METTL8: variants seen among roughly 807,000 people sequenced by gnomAD.
The protein encoded by METTL8 is methyltransferase 8, tRNA N3-cytidine.
METTL8 carries 32 observed loss-of-function variants against 48.7 expected under a neutral mutation model. That is an observed-to-expected ratio of 0.66 (90% CI 0.50 to 0.88). METTL8 has a LOEUF of 0.88. Among genes scored for constraint, METTL8 ranks in the 40% least tolerant of loss-of-function variants. The pLI is 0.00. For synonymous variants in METTL8, 136 were observed against 157.1 expected (o/e 0.87, Z 1.01); for missense variants, 464 against 474.4 (o/e 0.98, Z 0.20).
In METTL8 at chr2:171,402,873, G is replaced by T. The variant is rs929126177; in HGVS notation, c.-12-10676C>A. On this transcript the variant is annotated intron_variant, in intron 1 of 9. Transcript: ENST00000375258. ...ACCAAAAAAACCTACAGTGCTGAGG[G>T]TATTGTCAAAAGGACACAGGAGCCA... 2.6e-5 allele frequency among the ~76,000 whole-genome samples: 4 copies of T among 152,070 alleles called. No homozygotes were observed. The East Asian group carries it at 7.7e-4, about 29-fold the overall frequency.
In METTL8 at chr2:171,387,208, A is replaced by G. The variant is rs563035609; in HGVS notation, c.143+4835T>C. Among the ~76,000 whole-genome samples the G allele has an allele frequency of 2.0e-5, 3 of 152,260 alleles. No individual in the cohort carries two copies. The East Asian group carries it at 5.8e-4, about 29-fold the overall frequency. ...TGGCTAAACTAAAAGAGCACCCTGTAACACGCGCTCACTGGGACTTCAGGA... is the reference window on the plus strand; with the variant it reads ...TGGCTAAACTAAAAGAGCACCCTGTGACACGCGCTCACTGGGACTTCAGGA... On this transcript the variant is annotated intron_variant, in intron 2 of 9. Transcript: ENST00000375258.
At chr2:171,433,306 C>G (rs1157686146) in intron 1 of METTL8, 1 of 149,770 alleles carries the variant, frequency 6.7e-6, no homozygotes, top group East Asian at 1.9e-4. Context: ...TTTTTCTCAT[C>G]AAGTTATACA....
Position 171,326,114 on chromosome 2 carries a change from G to C in METTL8, c.895C>G (p.Leu299Val). 6.5e-7 allele frequency: 1 copy of C among 1,548,946 alleles called. No individual in the cohort carries two copies. The highest frequency in any genetic ancestry group is 8.7e-7 in the Non-Finnish European group (1 of 1,145,388). Residue 299 changes from leucine to valine, a missense_variant, in exon 8 of 10, where the codon CTG (leucine) becomes GTG (valine). By Grantham distance (32) the Leu-to-Val change is conservative. Coordinates refer to ENST00000375258, the MANE Select transcript of METTL8 (RefSeq NM_001321154.2). ...QGVVNRLSKL[L>V]KPGGMLLFRD... ...AATAACAGCATTCCCCCAGGTTTCA[G>C]TAACTTGGACAGTCGGTTTACAACA... is the stretch of plus-strand genomic sequence containing the variant.
intron 7 of METTL8, among the ~76,000 whole-genome samples, chr2:171,329,669 T>C (rs1377623333): frequency 1.3e-5 from 2 of 152,256 alleles, no homozygotes; most frequent in African/African-American, 4.8e-5. Context: ...AAAGTGCTCA[T>C]TTCTGAATGG....
Position 171,325,919 on chromosome 2 carries a change from G to C in METTL8, c.968-13C>G. 6.4e-7 allele frequency: 1 copy of C among 1,569,140 alleles called. No homozygotes were observed. The highest frequency in any genetic ancestry group is 8.7e-7 in the Non-Finnish European group (1 of 1,145,148). On this transcript the variant is annotated splice_polypyrimidine_tract_variant and intron_variant, in intron 8 of 9. Transcript: ENST00000375258. The stretch of plus-strand genomic sequence containing the variant: ...GATAAACAATGTCCTGAAAAAAATT[G>C]TGAAAAGAGAAACTCTTAAGGGTAT...
chr2:171,381,263 G>A (rs1574062882), intron 2 of METTL8, among the ~76,000 whole-genome samples: 2 of 152,248 alleles, frequency 1.3e-5, no homozygotes. Flanking sequence ...GCTCAAGGTG[G>A]ATTTAAGACT....
chr2:171,398,930 C>G (rs1432624976), intron 1 of METTL8, among the ~76,000 whole-genome samples: 1 of 152,086 alleles, frequency 6.6e-6, no homozygotes, highest in Admixed American at 6.6e-5. Flanking sequence ...ATGAAGAAGG[C>G]AACAAAAATT....
intron 7 of METTL8, among the ~76,000 whole-genome samples, chr2:171,327,331 C>T (rs974663548): frequency 4.1e-4 from 62 of 152,128 alleles, no homozygotes; most frequent in African/African-American, 1.4e-3. Flanking sequence ...CATATTAATT[C>T]TGAGTGACAG....
chr2:171,380,585 G>C (rs1687418219), intron 2 of METTL8, among the ~76,000 whole-genome samples: 1 of 152,130 alleles, frequency 6.6e-6, no homozygotes, highest in South Asian at 2.1e-4. Flanking sequence ...AAAATCACAA[G>C]CATTCCTATA....
At position 171,325,985 on chromosome 2, in the gene METTL8, T is replaced by C. The variant is rs903003004; in HGVS notation, c.967+57A>G. 4.0e-5 allele frequency: 54 copies of C among 1,356,706 alleles called. No individual in the cohort carries two copies. In the African/African-American group the frequency reaches 6.5e-4, roughly 16 times the overall value. The allele number at this position is 1,356,706 out of a possible 1,614,324, so 84.0% of individuals were successfully genotyped here. On this transcript the variant is annotated intron_variant, in intron 8 of 9. Transcript: ENST00000375258. ...CAACTAAATACTTTGATGTGAAATA[T>C]AAACAAGGCATTCTTTAGAACATTT...
intron 2 of METTL8, among the ~76,000 whole-genome samples, chr2:171,385,702 A>T (rs1299101145): frequency 6.6e-6 from 1 of 152,196 alleles, no homozygotes; most frequent in Non-Finnish European, 1.5e-5. Flanking sequence ...AATGTTTTTC[A>T]AACTGAATAA....
intron 5 of METTL8, among the ~76,000 whole-genome samples, chr2:171,335,939 T>A (rs1293437641): frequency 6.6e-6 from 1 of 152,048 alleles, no homozygotes; most frequent in African/African-American, 2.4e-5. Flanking sequence ...TTAAAAAAAA[T>A]GTGTAAACTT....
chr2:171,319,186 C>T lies in METTL8; in HGVS notation c.*4986G>A, dbSNP rs936157327. 7 of 152,114 alleles carry T rather than the reference C, an allele frequency of 4.6e-5. No individual in the cohort carries two copies. The highest frequency in any genetic ancestry group is 1.3e-4 in the Admixed American group (2 of 15,272). The allele number at this position is 152,114 out of a possible 1,614,324, so 9.4% of individuals were successfully genotyped here. ...GTTGCTGGAATACTGTGTGTACTGC[C>T]TTGTAGATTAATAACAATACCTCAC... On this transcript the variant is annotated 3_prime_UTR_variant, in exon 10 of 10. Transcript: ENST00000375258.
intron 2 of METTL8, among the ~76,000 whole-genome samples, chr2:171,386,913 C>G (rs1688110408): frequency 1.3e-5 from 2 of 152,118 alleles, no homozygotes; most frequent in Non-Finnish European, 2.9e-5. Flanking sequence ...AGCACACCAG[C>G]AGGCCACCCA....
intron 3 of METTL8, among the ~76,000 whole-genome samples, chr2:171,357,149 G>A (rs992692270): frequency 1.3e-5 from 2 of 151,714 alleles, no homozygotes; most frequent in East Asian, 1.9e-4. Flanking sequence ...AGTAGAGATA[G>A]GGTTTCACCA....
At chr2:171,420,515 G>C (rs1418345982) in intron 1 of METTL8, among the ~76,000 whole-genome samples, 1 of 152,156 alleles carries the variant, frequency 6.6e-6, no homozygotes, top group Non-Finnish European at 1.5e-5. Flanking sequence ...AATCCTTGCT[G>C]CTATCAACCA....
chr2:171,413,075 G>A (rs558531135), intron 1 of METTL8, among the ~76,000 whole-genome samples: 1 of 152,264 alleles, frequency 6.6e-6, no homozygotes, highest in South Asian at 2.1e-4. Flanking sequence ...AACATAAGAT[G>A]ATACAAAATC....
chr2:171,389,240 T>C (rs1688357209), intron 2 of METTL8, among the ~76,000 whole-genome samples: 1 of 151,948 alleles, frequency 6.6e-6, no homozygotes, highest in African/African-American at 2.4e-5. Context: ...CTACTCCAGG[T>C]TGAGTGCTAT....
chr2:171,383,239 T>C (rs1340733216), intron 2 of METTL8, among the ~76,000 whole-genome samples: 3 of 152,154 alleles, frequency 2.0e-5, no homozygotes, highest in East Asian at 1.9e-4. Context: ...ATGAACCCCA[T>C]TGAGATTCTG....
Sources: gnomAD v4.1 joint callset for allele counts (sites outside exome capture counted in the v4.1 genomes callset) on GRCh38, gnomAD v4.1.1 for gene constraint, MANE v1.5 for transcripts, NCBI Gene and HGNC (gene_info 2026-07-23, HGNC 2026-07-21) for gene names.